The following ATP6V0A4 variants were observed in gnomAD, a reference collection of about 807,000 sequenced individuals.
The protein encoded by ATP6V0A4 is ATPase H+ transporting V0 subunit a4.
A neutral mutation model predicts 107.3 loss-of-function variants in ATP6V0A4; 86 were observed. The ratio of observed to expected loss-of-function variants is 0.80; its 90% CI spans 0.67 to 0.96. The LOEUF (loss-of-function observed/expected upper bound fraction) is 0.96, where lower values mean the gene tolerates loss of function less well. Among genes scored for constraint, ATP6V0A4 ranks in the 40% least tolerant of loss-of-function variants. ATP6V0A4 has a pLI of 0.00. For missense variants in ATP6V0A4, 908 were observed against 1,045.6 expected (o/e 0.87, Z 1.81); for synonymous variants, 353 against 381.4 (o/e 0.93, Z 0.87).
chr7:138,726,751 AT>A (rs1294130639), intron 18 of ATP6V0A4, among the ~76,000 whole-genome samples: 1 of 152,132 alleles, frequency 6.6e-6, no homozygotes, highest in Non-Finnish European at 1.5e-5. Flanking sequence ...ACAGCCGTGC[AT>A]CCCAAGGGCC....
rs776756106 is a variant in ATP6V0A4 at position 138,728,849 on chromosome 7, CTT to C, written c.1920_1921del (p.Ser641PhefsTer17). The C allele has an allele frequency of 3.7e-6, 6 of 1,614,154 alleles. No homozygotes were observed. The highest frequency in any genetic ancestry group is 4.2e-6 in the Non-Finnish European group (5 of 1,180,030). ...AATCAAAGCCATAACCACAAAGAAA[CTT>C]TGGACTTCTTGCTGCAAGACCAAAA... On this transcript the variant is annotated frameshift_variant, in exon 18 of 22. Transcript: ENST00000310018. LOFTEE classifies it high-confidence loss of function.
At chr7:138,781,757 T>C (rs1807930552) in intron 2 of ATP6V0A4, among the ~76,000 whole-genome samples, 1 of 152,158 alleles carries the variant, frequency 6.6e-6, no homozygotes, top group African/African-American at 2.4e-5. Flanking sequence ...TGATGTGAAA[T>C]GGAGTGGTGA....
chr7:138,772,934 A>G (rs1450844324), intron 2 of ATP6V0A4, among the ~76,000 whole-genome samples: 3 of 152,118 alleles, frequency 2.0e-5, no homozygotes, highest in African/African-American at 2.4e-5. Flanking sequence ...GCTCTTTCCA[A>G]TGGTGAAGTT....
intron 20 of ATP6V0A4, among the ~76,000 whole-genome samples, chr7:138,711,596 G>A (rs900525149): frequency 2.0e-5 from 3 of 152,146 alleles, no homozygotes; most frequent in African/African-American, 7.2e-5. Context: ...ACCCCTATTT[G>A]CTTGCTGCCC....
chr7:138,734,403 G>A (rs1805198495), intron 15 of ATP6V0A4, 149 bp from the exon 16 acceptor site: 1 of 1,296,770 alleles, frequency 7.7e-7, no homozygotes, highest in Non-Finnish European at 1.1e-6. Context: ...ACATTTTAGA[G>A]TCCAAAAAGG....
At chr7:138,789,788 T>C (rs1167501226) in intron 1 of ATP6V0A4, among the ~76,000 whole-genome samples, 1 of 151,160 alleles carries the variant, frequency 6.6e-6, no homozygotes, top group Non-Finnish European at 1.5e-5. Flanking sequence ...CTGACCAACA[T>C]GGAGAACTCT....
intron 16 of ATP6V0A4, among the ~76,000 whole-genome samples, chr7:138,733,631 T>A (rs1467116771): frequency 7.3e-6 from 1 of 137,418 alleles, no homozygotes; most frequent in South Asian, 2.3e-4. Context: ...CAGGCTGGAG[T>A]GCAGCGATAC....
chr7:138,736,646 A>C (rs1255855739), intron 15 of ATP6V0A4, among the ~76,000 whole-genome samples: 1 of 151,906 alleles, frequency 6.6e-6, no homozygotes, highest in South Asian at 2.1e-4. Flanking sequence ...ATCTCGGCTC[A>C]CTACAACCTC....
chr7:138,721,543 C>CA (rs1266462823), intron 19 of ATP6V0A4, among the ~76,000 whole-genome samples: 2 of 152,070 alleles, frequency 1.3e-5, no homozygotes, highest in East Asian at 3.9e-4. Flanking sequence ...CAAAAACAAA[C>CA]AAAAAAGAGA....
At position 138,769,227 on chromosome 7, in the gene ATP6V0A4, G is replaced by T; in HGVS notation, c.142C>A (p.Gln48Lys). 6.2e-7 allele frequency: 1 copy of T among 1,611,056 alleles called. No homozygotes were observed. Residue 48 changes from glutamine to lysine, a missense_variant, in exon 4 of 22, where the codon CAA (glutamine) becomes AAA (lysine). Physicochemically the swap from Gln to Lys is moderately conservative, Grantham distance 53. Transcript: ENST00000310018. The stretch of plus-strand genomic sequence containing the variant: ...CTGACTTCATTCACAAATTTCCTTT[G>T]AAAGCTGTTCACATTCATATTTAAC... ...KDLNMNVNSF[Q>K]RKFVNEVRRC... is the part of the protein sequence containing the mutation.
intron 16 of ATP6V0A4, among the ~76,000 whole-genome samples, chr7:138,733,626 T>G (rs908698960): frequency 2.9e-5 from 4 of 138,548 alleles, no homozygotes; most frequent in Non-Finnish European, 6.1e-5. Context: ...TCACCCAGGC[T>G]GGAGTGCAGC....
intron 17 of ATP6V0A4, among the ~76,000 whole-genome samples, chr7:138,729,275 C>T (rs1342254781): frequency 6.6e-6 from 1 of 152,100 alleles, no homozygotes; most frequent in Non-Finnish European, 1.5e-5. Context: ...CGGTGGTACT[C>T]AAAAGTCCTT....
At chr7:138,765,575 G>A (rs977293478) in intron 5 of ATP6V0A4, among the ~76,000 whole-genome samples, 4 of 152,052 alleles carry the variant, frequency 2.6e-5, no homozygotes, top group African/African-American at 4.8e-5. Context: ...ACAAGGCAGG[G>A]GCCCAGAGCC....
chr7:138,720,879 C>T lies in ATP6V0A4; in HGVS notation c.2139+1018G>A, dbSNP rs571274574. On this transcript the variant is annotated intron_variant, in intron 19 of 21. Coordinates refer to ENST00000310018, the MANE Select transcript of ATP6V0A4 (RefSeq NM_020632.3). The stretch of plus-strand genomic sequence containing the variant: ...GTTGGACTCCTAACCTCAAGTGATC[C>T]GCCCGCCTTGGCCTCCCAAAGTGCT... 8.5e-5 allele frequency among the ~76,000 whole-genome samples: 13 copies of T among 152,238 alleles called. No homozygotes were observed. The South Asian group carries it at 1.5e-3, about 17-fold the overall frequency.
intron 2 of ATP6V0A4, among the ~76,000 whole-genome samples, chr7:138,785,524 G>A (rs1274866344): frequency 1.3e-5 from 2 of 151,946 alleles, no homozygotes; most frequent in African/African-American, 2.4e-5. Context: ...CAATCCACCT[G>A]CCTCGGCCTT....
intron 17 of ATP6V0A4, among the ~76,000 whole-genome samples, chr7:138,732,361 A>G (rs1367508101): frequency 6.6e-6 from 1 of 152,124 alleles, no homozygotes; most frequent in Non-Finnish European, 1.5e-5. Flanking sequence ...CCCAACAAGA[A>G]TGGTTGGAGC....
chr7:138,707,153 A>AT (rs377617632), intron 21 of ATP6V0A4, among the ~76,000 whole-genome samples: 2 of 72,420 alleles, frequency 2.8e-5, no homozygotes, highest in East Asian at 3.0e-4. Context: ...TTAATATATT[A>AT]ATATATAATA....
At chr7:138,707,818 C>G (rs1051309332) in intron 21 of ATP6V0A4, among the ~76,000 whole-genome samples, 10 of 151,358 alleles carry the variant, frequency 6.6e-5, no homozygotes, top group South Asian at 2.1e-4. Flanking sequence ...CACAGCATAA[C>G]AACTCTTCCT....
intron 4 of ATP6V0A4, 73 bp downstream of exon 4, chr7:138,769,100 G>A: frequency 6.3e-7 from 1 of 1,595,810 alleles, no homozygotes; most frequent in South Asian, 1.1e-5. Context: ...TGTTCATTAA[G>A]TCCTGCAAAC....
Sources: allele counts gnomAD v4.1 joint callset (sites outside exome capture counted in the v4.1 genomes callset), GRCh38; gene constraint gnomAD v4.1.1; transcripts MANE v1.5; gene names NCBI Gene and HGNC (gene_info 2026-07-23, HGNC 2026-07-21).